Variants in GFRA1 observed in about 807,000 individuals in gnomAD.
GFRA1 encodes the protein GDNF family receptor alpha-1.
Under a neutral mutation model 51.6 loss-of-function variants are expected in GFRA1, and 16 were observed. The observed-to-expected ratio is 0.31, with a 90% CI of 0.21 to 0.47. The LOEUF is 0.47. Among genes scored for constraint, GFRA1 ranks in the 20% least tolerant of loss-of-function variants. The pLI is 1.00. For synonymous variants in GFRA1, 270 were observed against 241.3 expected (o/e 1.12, Z -1.10); for missense variants, 530 against 594.3 (o/e 0.89, Z 1.13).
chr10:116,191,552 G>A (rs1963267053), intron 5 of GFRA1, among the ~76,000 whole-genome samples: 2 of 152,178 alleles, frequency 1.3e-5, no homozygotes, highest in East Asian at 1.9e-4. Flanking sequence ...TATAAGAAAG[G>A]GCAACTTACA....
Position 116,065,639 on chromosome 10 carries a change from A to G in GFRA1, c.1198-13T>C, listed in dbSNP as rs1383305604. 1 of 1,610,760 alleles carries G rather than the reference A, an allele frequency of 6.2e-7. No homozygotes were observed. The highest frequency in any genetic ancestry group is 1.1e-5 in the South Asian group (1 of 91,024). ...TCAGCTTCTGTGCCTGGAGAGGGAC[A>G]AGAAAAAAAATGCTCAAACATAATA... is the stretch of plus-strand genomic sequence containing the variant. On this transcript the variant is annotated splice_polypyrimidine_tract_variant and intron_variant, in intron 9 of 10. Coordinates refer to ENST00000355422, the MANE Select transcript of GFRA1 (RefSeq NM_005264.8).
At position 116,135,378 on chromosome 10, in the gene GFRA1, T is replaced by C. The variant is rs184871208; in HGVS notation, c.434-9821A>G. 3.5e-3 allele frequency among the ~76,000 whole-genome samples: 527 copies of C among 152,344 alleles called. 3 individuals are homozygous for C. The highest frequency in any genetic ancestry group is 0.012 in the African/African-American group (517 of 41,584). On this transcript the variant is annotated intron_variant, in intron 5 of 10. Transcript: ENST00000355422. ...TTTAAATCCACACTGCAGGAGTGCATGAAATTTCTCAGCCTGTCTCTTCGC... is the reference window on the plus strand; with the variant it reads ...TTTAAATCCACACTGCAGGAGTGCACGAAATTTCTCAGCCTGTCTCTTCGC...
intron 4 of GFRA1, among the ~76,000 whole-genome samples, chr10:116,252,913 T>A (rs775602195): frequency 3.3e-5 from 5 of 152,312 alleles, no homozygotes; most frequent in Non-Finnish European, 7.4e-5. Flanking sequence ...GGATGCAAAC[T>A]TAGTCTGACT....
In GFRA1 at chr10:116,247,498, G is replaced by C. The variant is rs79034622; in HGVS notation, c.418+22005C>G. ...AGAGTCCTTATCCCGTGGTCTCTAA[G>C]GCCCTGTGGCCATGTGCTGGGGCCC... On this transcript the variant is annotated intron_variant, in intron 4 of 10. Coordinates refer to ENST00000355422, the MANE Select transcript of GFRA1 (RefSeq NM_005264.8). 8.1e-3 allele frequency among the ~76,000 whole-genome samples: 1,238 copies of C among 152,298 alleles called. 19 individuals carry two copies. The highest frequency in any genetic ancestry group is 0.028 in the African/African-American group (1,168 of 41,560).
chr10:116,180,666 T>C (rs554963094), intron 5 of GFRA1, among the ~76,000 whole-genome samples: 30 of 152,196 alleles, frequency 2.0e-4, no homozygotes, highest in Non-Finnish European at 3.1e-4. Flanking sequence ...CCTCTCTGCC[T>C]GTTTCTAGGT....
At chr10:116,065,668 A>G (rs765100999) in intron 9 of GFRA1, 42 bp from the exon 10 acceptor site, 25 of 1,502,450 alleles carry the variant, frequency 1.7e-5, no homozygotes, top group Non-Finnish European at 1.2e-5. Context: ...CATAATACAG[A>G]AGAGTAATTA....
At chr10:116,205,026 G>A (rs1964620945) in intron 5 of GFRA1, among the ~76,000 whole-genome samples, 1 of 152,162 alleles carries the variant, frequency 6.6e-6, no homozygotes, top group Non-Finnish European at 1.5e-5. Context: ...GATAGAATGT[G>A]CCCTTGATAT....
chr10:116,218,821 T>C (rs1263345870), intron 4 of GFRA1, among the ~76,000 whole-genome samples: 1 of 152,176 alleles, frequency 6.6e-6, no homozygotes, highest in Non-Finnish European at 1.5e-5. Flanking sequence ...ATCTTTTATC[T>C]CACTCTGCCT....
chr10:116,144,986 T>C (rs905024972), intron 5 of GFRA1, among the ~76,000 whole-genome samples: 2 of 151,050 alleles, frequency 1.3e-5, no homozygotes, highest in African/African-American at 4.9e-5. Flanking sequence ...CCATCTCTAC[T>C]AAAAATACAA....
At chr10:116,274,646 G>T (rs1296406644), upstream of GFRA1, among the ~76,000 whole-genome samples, 2 of 152,142 alleles carry the variant, frequency 1.3e-5, no homozygotes, top group Non-Finnish European at 2.9e-5. Context: ...CAAACCCGGG[G>T]GACATCCTAC....
chr10:116,234,922 T>C (rs904029884), intron 4 of GFRA1, among the ~76,000 whole-genome samples: 3 of 152,180 alleles, frequency 2.0e-5, no homozygotes, highest in African/African-American at 7.2e-5. Flanking sequence ...GATCTGATGG[T>C]TTTATAAGAG....
chr10:116,171,743 T>C (rs1339929838), intron 5 of GFRA1, among the ~76,000 whole-genome samples: 1 of 152,180 alleles, frequency 6.6e-6, no homozygotes, highest in Non-Finnish European at 1.5e-5. Flanking sequence ...TTTCCTTGAA[T>C]TTTCCTTCTG....
intron 6 of GFRA1, among the ~76,000 whole-genome samples, chr10:116,110,090 C>T (rs1455292250): frequency 2.6e-5 from 4 of 152,220 alleles, no homozygotes; most frequent in Admixed American, 1.3e-4. Flanking sequence ...GGCAGGGATG[C>T]AGCAGGTGTC....
chr10:116,105,909 C>G (rs1565578997), intron 6 of GFRA1, among the ~76,000 whole-genome samples: 1 of 152,194 alleles, frequency 6.6e-6, no homozygotes, highest in Non-Finnish European at 1.5e-5. Context: ...GAGACCATTA[C>G]AGTTCATGGC....
At chr10:116,196,240 A>T (rs912138465) in intron 5 of GFRA1, among the ~76,000 whole-genome samples, 1 of 150,904 alleles carries the variant, frequency 6.6e-6, no homozygotes, top group Non-Finnish European at 1.5e-5. Context: ...CTGCAATCCC[A>T]GCACTTTGGG....
At chr10:116,220,122 G>C (rs893667533) in intron 4 of GFRA1, among the ~76,000 whole-genome samples, 1 of 152,040 alleles carries the variant, frequency 6.6e-6, no homozygotes, top group African/African-American at 2.4e-5. Context: ...TTCATTCTTT[G>C]CAATTCACAT....
In GFRA1 at chr10:116,063,065, A is replaced by C. The variant is rs917260484; in HGVS notation, c.*1333T>G. 2.0e-5 allele frequency: 3 copies of C among 152,284 alleles called. No homozygotes were observed. Among genetic ancestry groups the C allele is most frequent in the Non-Finnish European group, 2.9e-5 (2 of 68,068 alleles). The allele number at this position is 152,284 out of a possible 1,614,324, so 9.4% of individuals were successfully genotyped here. On this transcript the variant is annotated 3_prime_UTR_variant, in exon 11 of 11. Transcript: ENST00000355422. Reference sequence around the variant, plus strand: ...CAGTGGCCAAGACGTTGCAGTCAGGAGTAAACACAATCCTTAGGAAAAGAA... The same window carrying C: ...CAGTGGCCAAGACGTTGCAGTCAGGCGTAAACACAATCCTTAGGAAAAGAA...
chr10:116,255,626 T>C (rs1252922957), intron 4 of GFRA1: 7 of 1,288,918 alleles, frequency 5.4e-6, no homozygotes, highest in African/African-American at 3.0e-5. Flanking sequence ...ACTGATGTGT[T>C]AGCTCACCTG....
intron 6 of GFRA1, among the ~76,000 whole-genome samples, chr10:116,113,970 G>C (rs1435997842): frequency 6.6e-6 from 1 of 152,210 alleles, no homozygotes; most frequent in Non-Finnish European, 1.5e-5. Flanking sequence ...CCCCGGCTCT[G>C]TGCATTCTAA....
Sources: gnomAD v4.1 joint callset for allele counts (sites outside exome capture counted in the v4.1 genomes callset) on GRCh38, gnomAD v4.1.1 for gene constraint, MANE v1.5 for transcripts, NCBI Gene and HGNC (gene_info 2026-07-23, HGNC 2026-07-21) for gene names.